ZFHX3: variants seen among roughly 807,000 people sequenced by gnomAD.
ZFHX3 encodes zinc finger homeobox protein 3.
A neutral mutation model predicts 279.1 loss-of-function variants in ZFHX3; 42 were observed. The observed-to-expected ratio is 0.15, with a 90% CI of 0.12 to 0.19. The LOEUF is 0.19. Ranked by LOEUF, ZFHX3 falls within the 10% of genes least tolerant of loss-of-function variation. ZFHX3 has a pLI of 1.00. For synonymous variants in ZFHX3, 2,293 were observed against 1,957.8 expected (o/e 1.17, Z -4.52); for missense variants, 4,981 against 4,754.0 (o/e 1.05, Z -1.40).
chr16:73,622,378 G>A (rs916789855), intron 2 of ZFHX3, among the ~76,000 whole-genome samples: 3 of 152,154 alleles, frequency 2.0e-5, no homozygotes, highest in Non-Finnish European at 2.9e-5. Context: ...CTAACAAGGT[G>A]AAACCCTGTC....
chr16:73,370,675 C>A (rs573936489), intron 3 of ZFHX3, among the ~76,000 whole-genome samples: 1 of 152,136 alleles, frequency 6.6e-6, no homozygotes, highest in East Asian at 1.9e-4. Context: ...TGGTCAACTG[C>A]GGGAGGCTTC....
At chr16:73,415,121 T>A (rs904750764) in intron 3 of ZFHX3, among the ~76,000 whole-genome samples, 2 of 152,188 alleles carry the variant, frequency 1.3e-5, no homozygotes, top group Non-Finnish European at 2.9e-5. Context: ...TCTCTCTCAG[T>A]TTTTTATTTT....
intron 2 of ZFHX3, among the ~76,000 whole-genome samples, chr16:73,492,237 G>A (rs1438052566): frequency 6.6e-6 from 1 of 151,978 alleles, no homozygotes; most frequent in African/African-American, 2.4e-5. Flanking sequence ...ACCCAAGCTG[G>A]AAACCTTAAA....
At chr16:73,486,528 A>G (rs575268563) in intron 2 of ZFHX3, among the ~76,000 whole-genome samples, 1 of 152,338 alleles carries the variant, frequency 6.6e-6, no homozygotes, top group African/African-American at 2.4e-5. Context: ...CAGGTCTCTA[A>G]CACTTGGCTT....
intron 7 of ZFHX3, among the ~76,000 whole-genome samples, chr16:73,111,822 T>C (rs1481048543): frequency 2.0e-5 from 3 of 152,102 alleles, no homozygotes; most frequent in African/African-American, 7.2e-5. Context: ...TTGCCATATA[T>C]GCTATTTCAT....
chr16:73,416,708 AC>A (rs1161297231), intron 3 of ZFHX3, among the ~76,000 whole-genome samples: 1 of 151,762 alleles, frequency 6.6e-6, no homozygotes, highest in African/African-American at 2.4e-5. Flanking sequence ...CCCCGTCTCT[AC>A]TAAAAATACA....
At chr16:73,264,186 G>A (rs888684410) in intron 4 of ZFHX3, among the ~76,000 whole-genome samples, 1 of 152,102 alleles carries the variant, frequency 6.6e-6, no homozygotes, top group Non-Finnish European at 1.5e-5. Flanking sequence ...AAGGGCCTGG[G>A]AGTGAGTTTC....
chr16:73,623,616 C>G (rs1322912061), intron 2 of ZFHX3, among the ~76,000 whole-genome samples: 14 of 152,156 alleles, frequency 9.2e-5, no homozygotes, highest in Non-Finnish European at 2.9e-5. Context: ...TCAGGGAATA[C>G]ACCTCCAGGG....
chr16:73,239,252 A>G (rs1004902451), intron 5 of ZFHX3, among the ~76,000 whole-genome samples: 2 of 152,220 alleles, frequency 1.3e-5, no homozygotes, highest in Admixed American at 1.3e-4. Context: ...AGGATTTCCT[A>G]TTGGGCAATT....
intron 1 of ZFHX3, among the ~76,000 whole-genome samples, chr16:73,002,906 C>G (rs1440852323): frequency 1.3e-5 from 2 of 152,138 alleles, no homozygotes; most frequent in African/African-American, 4.8e-5. Context: ...GCTCAGAAAA[C>G]AAAGTATTAA....
intron 3 of ZFHX3, among the ~76,000 whole-genome samples, chr16:73,321,159 C>T (rs1218478848): frequency 6.6e-6 from 1 of 152,214 alleles, no homozygotes; most frequent in Non-Finnish European, 1.5e-5. Flanking sequence ...CTCTCATCCC[C>T]ACATTTCTCC....
intron 1 of ZFHX3, among the ~76,000 whole-genome samples, chr16:73,881,473 T>C (rs2030151251): frequency 1.1e-4 from 7 of 61,934 alleles, no homozygotes; most frequent in Admixed American, 2.5e-4. Flanking sequence ...TCTCTCTCTC[T>C]CTCTCTGCCC....
Position 73,480,285 on chromosome 16 carries a change from C to T in ZFHX3, c.-1546-24027G>A, listed in dbSNP as rs1269329181. Among the ~76,000 whole-genome samples, 4 of 152,050 alleles carry T rather than the reference C, an allele frequency of 2.6e-5. 1 individual carries two copies. Among genetic ancestry groups the T allele is most frequent in the Admixed American group, 2.0e-4 (3 of 15,264 alleles). On this transcript the variant is annotated intron_variant, in intron 2 of 17. Coordinates refer to the ZFHX3 transcript ENST00000641206. ...TGTCAGTGTGTTTGGTAGTAGGCTCCGATTCCTAAAAGGTTTTTATTTCTT... is the reference window on the plus strand; with the variant it reads ...TGTCAGTGTGTTTGGTAGTAGGCTCTGATTCCTAAAAGGTTTTTATTTCTT...
intron 7 of ZFHX3, among the ~76,000 whole-genome samples, chr16:73,098,430 T>A (rs1966193648): frequency 6.6e-6 from 1 of 151,936 alleles, no homozygotes; most frequent in African/African-American, 2.4e-5. Flanking sequence ...GGCATGATCT[T>A]GGCTCACTGC....
intron 5 of ZFHX3, among the ~76,000 whole-genome samples, chr16:73,179,442 G>T (rs1337601244): frequency 6.6e-6 from 1 of 152,088 alleles, no homozygotes; most frequent in African/African-American, 2.4e-5. Context: ...TTGGTCAAAG[G>T]TTATATTGAA....
chr16:73,764,994 C>G (rs1268421011), intron 1 of ZFHX3, among the ~76,000 whole-genome samples: 3 of 152,194 alleles, frequency 2.0e-5, no homozygotes, highest in Admixed American at 1.3e-4. Context: ...TCTGAAGACT[C>G]TTTTCCCATC....
chr16:73,198,827 G>A (rs1175139280), intron 5 of ZFHX3, among the ~76,000 whole-genome samples: 1 of 152,150 alleles, frequency 6.6e-6, no homozygotes, highest in East Asian at 1.9e-4. Context: ...CAACGGCACT[G>A]GATTCTTTCC....
At chr16:73,880,715 C>A (rs1164481745) in intron 1 of ZFHX3, among the ~76,000 whole-genome samples, 1 of 152,162 alleles carries the variant, frequency 6.6e-6, no homozygotes, top group African/African-American at 2.4e-5. Context: ...CAACAGAACA[C>A]AAAATAATTT....
At chr16:73,001,278 A>G (rs899720609) in intron 1 of ZFHX3, among the ~76,000 whole-genome samples, 1 of 152,162 alleles carries the variant, frequency 6.6e-6, no homozygotes, top group Non-Finnish European at 1.5e-5. Flanking sequence ...AATGAATCCT[A>G]TCAACAACCG....
Sources: allele counts gnomAD v4.1 joint callset (sites outside exome capture counted in the v4.1 genomes callset), GRCh38; gene constraint gnomAD v4.1.1; transcripts MANE v1.5; gene names NCBI Gene and HGNC (gene_info 2026-07-23, HGNC 2026-07-21).